CCDC85C: variants seen among roughly 807,000 people sequenced by gnomAD.
CCDC85C encodes the protein coiled-coil domain-containing protein 85C.
In CCDC85C, 18 loss-of-function variants were observed where a neutral mutation model predicts 38.3. The observed-to-expected ratio is 0.47, with a 90% CI of 0.33 to 0.70. The LOEUF (loss-of-function observed/expected upper bound fraction) is 0.70. Among genes scored for constraint, CCDC85C ranks in the 30% least tolerant of loss-of-function variants. CCDC85C has a pLI of 0.03. For synonymous variants in CCDC85C, 264 were observed against 293.8 expected (o/e 0.90, Z 1.04); for missense variants, 566 against 621.2 (o/e 0.91, Z 0.94).
At chr14:99,538,399 C>T (rs185693325) in intron 1 of CCDC85C, among the ~76,000 whole-genome samples, 46 of 152,350 alleles carry the variant, frequency 3.0e-4, no homozygotes, top group Admixed American at 2.0e-3. Context: ...CTCTCCGCAG[C>T]GCAATCCTCA....
chr14:99,600,250 T>C (rs567186116), intron 1 of CCDC85C, among the ~76,000 whole-genome samples: 1 of 130,816 alleles, frequency 7.6e-6, no homozygotes, highest in Admixed American at 7.5e-5. Context: ...GATCCTGACC[T>C]CACTCAACCT....
intron 1 of CCDC85C, among the ~76,000 whole-genome samples, chr14:99,555,494 T>G (rs1370940644): frequency 6.6e-6 from 1 of 152,198 alleles, no homozygotes; most frequent in East Asian, 1.9e-4. Context: ...CACAGCCACT[T>G]TTTTCTCCCA....
chr14:99,566,790 G>A (rs1204766494), intron 1 of CCDC85C, among the ~76,000 whole-genome samples: 2 of 152,202 alleles, frequency 1.3e-5, no homozygotes, highest in Non-Finnish European at 2.9e-5. Flanking sequence ...CTCCCAACGA[G>A]GGGGCCTGCA....
rs1275082388 is a variant in CCDC85C at position 99,507,417 on chromosome 14, T to C, written c.*7829A>G. 51 of 439,286 alleles carry C rather than the reference T, an allele frequency of 1.2e-4. No individual in the cohort carries two copies. Among genetic ancestry groups the C allele is most frequent in the Non-Finnish European group, 1.7e-4 (40 of 235,346 alleles). The allele number at this position is 439,286 out of a possible 1,614,324, so 27.2% of individuals were successfully genotyped here. On this transcript the variant is annotated 3_prime_UTR_variant, in exon 6 of 6. Transcript: ENST00000380243. Reference sequence around the variant, plus strand: ...CAAAGTGAGACCCTGTCTAAAAAATTAGCCAGGTGTGGTAGCACACACCTG... The same window carrying C: ...CAAAGTGAGACCCTGTCTAAAAAATCAGCCAGGTGTGGTAGCACACACCTG...
chr14:99,536,108 A>AG lies in CCDC85C; in HGVS notation c.794-21dup. The AG allele has an allele frequency of 6.6e-7, 1 of 1,519,396 alleles. No individual in the cohort carries two copies. Among genetic ancestry groups the AG allele is most frequent in the Non-Finnish European group, 8.9e-7 (1 of 1,117,768 alleles). 94.1% of individuals were successfully genotyped at this position (1,519,396 alleles called of 1,614,324 possible). On this transcript the variant is annotated intron_variant, in intron 1 of 5. Coordinates refer to ENST00000380243, the MANE Select transcript of CCDC85C (RefSeq NM_001144995.2). ...AGGGATCTGGAAGGACACAAGAGGAAGGGGGACATTAGCCTCCAGCAGACT... is the reference window on the plus strand; with the variant it reads ...AGGGATCTGGAAGGACACAAGAGGAAGGGGGGACATTAGCCTCCAGCAGACT...
rs184277139 is a variant in CCDC85C at position 99,536,501 on chromosome 14, G to C, written c.794-413C>G. On this transcript the variant is annotated intron_variant, in intron 1 of 5. Transcript: ENST00000380243. ...ATGGAGCTCTCACAAACACAGCCAG[G>C]GCACAGCCCACCCCAGGGTCGGGGT... 5.7e-3 allele frequency among the ~76,000 whole-genome samples: 862 copies of C among 152,278 alleles called. 2 individuals are homozygous for C. Among genetic ancestry groups the C allele is most frequent in the Middle Eastern group, 0.027 (8 of 294 alleles).
In CCDC85C at chr14:99,603,154, G is replaced by A. The variant is rs2055223245; in HGVS notation, c.793+13C>T. ...CAGGGAGACCCGCGCTGCCCGGCCC[G>A]TGTAGTCCTTACCGTGCAGGCCGTT... On this transcript the variant is annotated intron_variant, in intron 1 of 5. Transcript: ENST00000380243. This position sits in a 1 kb window ranked among gnomAD's most constrained non-coding sequence, Gnocchi z 7.5. The A allele has an allele frequency of 7.4e-7, 1 of 1,351,226 alleles. No individual in the cohort carries two copies. The highest frequency in any genetic ancestry group is 9.5e-7 in the Non-Finnish European group (1 of 1,054,058). The allele number at this position is 1,351,226 out of a possible 1,614,324, so 83.7% of individuals were successfully genotyped here. A position where few individuals can be genotyped will look rare whatever the true frequency, so the allele number is the denominator to read the frequency against.
chr14:99,571,552 G>A (rs927037733), intron 1 of CCDC85C, among the ~76,000 whole-genome samples: 2 of 152,224 alleles, frequency 1.3e-5, no homozygotes, highest in African/African-American at 4.8e-5. Flanking sequence ...GTTCAGCCAC[G>A]TCTGCAGGGG....
chr14:99,545,652 A>G lies in CCDC85C; in HGVS notation c.794-9564T>C, dbSNP rs1897791578. Among the ~76,000 whole-genome samples the G allele has an allele frequency of 6.6e-6, 1 of 152,072 alleles. No individual in the cohort carries two copies. The highest frequency in any genetic ancestry group is 6.5e-5 in the Admixed American group (1 of 15,274). On this transcript the variant is annotated intron_variant, in intron 1 of 5. Transcript: ENST00000380243. This position sits in a 1 kb window ranked among gnomAD's most constrained non-coding sequence, Gnocchi z 4.7. ...TCACTGCTGAAGTTGGGAATCAGTG[A>G]TAGATCTGGACTGTGTGCAGACATC...
intron 1 of CCDC85C, among the ~76,000 whole-genome samples, chr14:99,591,695 C>T (rs1235874362): frequency 6.6e-6 from 1 of 151,190 alleles, no homozygotes; most frequent in African/African-American, 2.4e-5. Context: ...CAGGAAGCCC[C>T]GACTCCATAC....
At chr14:99,529,068 G>A (rs1357524322) in intron 2 of CCDC85C, among the ~76,000 whole-genome samples, 2 of 152,226 alleles carry the variant, frequency 1.3e-5, no homozygotes, top group East Asian at 3.9e-4. Flanking sequence ...GGGGTCCAGA[G>A]ACATATTCCC....
chr14:99,563,595 G>C (rs1898159372), intron 1 of CCDC85C, among the ~76,000 whole-genome samples: 1 of 152,248 alleles, frequency 6.6e-6, no homozygotes, highest in Non-Finnish European at 1.5e-5. Context: ...GCAAGATATA[G>C]GGAGGAAATG....
At chr14:99,552,183 A>T (rs917216928) in intron 1 of CCDC85C, among the ~76,000 whole-genome samples, 1 of 152,304 alleles carries the variant, frequency 6.6e-6, no homozygotes, top group South Asian at 2.1e-4. Flanking sequence ...CCCAAGGTTG[A>T]TCAGGCTGTG....
At chr14:99,537,827 G>A (rs1897634024) in intron 1 of CCDC85C, among the ~76,000 whole-genome samples, 1 of 152,182 alleles carries the variant, frequency 6.6e-6, no homozygotes, top group Admixed American at 6.5e-5. Flanking sequence ...AAGCAAAGCG[G>A]TGTGATGGGA....
chr14:99,552,659 A>C (rs1049647440), intron 1 of CCDC85C, among the ~76,000 whole-genome samples: 3 of 151,990 alleles, frequency 2.0e-5, no homozygotes, highest in Non-Finnish European at 4.4e-5. Flanking sequence ...TGCCAAGCCA[A>C]CCTCCACCCA....
intron 1 of CCDC85C, among the ~76,000 whole-genome samples, chr14:99,557,599 C>T (rs112458302): frequency 0.14 from 22,028 of 152,224 alleles, 1,976 homozygotes; most frequent in Non-Finnish European, 0.21. Context: ...TAGAAGGAGA[C>T]AATGGCTCAG....
chr14:99,556,274 C>T (rs997367659), intron 1 of CCDC85C, among the ~76,000 whole-genome samples: 2 of 152,120 alleles, frequency 1.3e-5, no homozygotes, highest in African/African-American at 2.4e-5. Context: ...TAAAATTAGC[C>T]GGGCATGGTG....
In CCDC85C at chr14:99,603,214, T is replaced by C; in HGVS notation, c.746A>G (p.Asp249Gly). 1 of 1,429,528 alleles carries C rather than the reference T, an allele frequency of 7.0e-7. No homozygotes were observed. The highest frequency in any genetic ancestry group is 1.4e-5 in the South Asian group (1 of 70,540). The allele number at this position is 1,429,528 out of a possible 1,614,324, so 88.6% of individuals were successfully genotyped here. Residue 249 changes from aspartate to glycine, a missense_variant, in exon 1 of 6, where the codon GAC (aspartate) becomes GGC (glycine). Coordinates refer to ENST00000380243, the MANE Select transcript of CCDC85C (RefSeq NM_001144995.2). The surrounding 1 kb of genome is among the most constrained non-coding windows in gnomAD (Gnocchi z 7.5). ...KAGATRRSLD[D>G]LSAPPHHRSI... ...GCGGTGGTGCGGCGGCGCCGACAAG[T>C]CGTCCAGGGACCGACGTGTGGCTCC...
chr14:99,524,881 C>A (rs1321545339), intron 2 of CCDC85C, among the ~76,000 whole-genome samples: 1 of 152,188 alleles, frequency 6.6e-6, no homozygotes, highest in Admixed American at 6.5e-5. Flanking sequence ...CAGTCTTCCT[C>A]GGGTGGCTCC....
Sources: allele counts gnomAD v4.1 joint callset (sites outside exome capture counted in the v4.1 genomes callset), GRCh38; gene constraint gnomAD v4.1.1; non-coding constraint Gnocchi (gnomAD v3.1); transcripts MANE v1.5; gene names NCBI Gene and HGNC (gene_info 2026-07-23, HGNC 2026-07-21).